The following NCK1 variants were observed in gnomAD, a reference collection of about 807,000 sequenced individuals.
NCK1 encodes the protein NCK adaptor protein 1.
Under a neutral mutation model 36.6 loss-of-function variants are expected in NCK1, and 19 were observed. The ratio of observed to expected loss-of-function variants is 0.52; its 90% CI spans 0.36 to 0.76. NCK1 has a LOEUF of 0.76. NCK1 is among the 30% of genes least tolerant of loss of function. The pLI, the probability that NCK1 is intolerant of heterozygous loss-of-function variation, is 0.00. For missense variants in NCK1, 358 were observed against 445.6 expected, an observed-to-expected ratio of 0.80 and a Z score of 1.77; for synonymous variants, 165 against 156.0, an observed-to-expected ratio of 1.06 and a Z score of -0.43.
chr3:136,923,679 G>C (rs1024825030), intron 1 of NCK1, among the ~76,000 whole-genome samples: 23 of 152,158 alleles, frequency 1.5e-4, no homozygotes, highest in Non-Finnish European at 8.8e-5. Context: ...AAATATGTTT[G>C]ATATTTAAGC....
intron 1 of NCK1, chr3:136,900,071 C>T (rs1939500744): frequency 3.9e-6 from 2 of 515,710 alleles, no homozygotes; most frequent in Non-Finnish European, 7.2e-6. Context: ...TCACAGGCTG[C>T]ACCATGGTCC....
At chr3:136,943,351 A>G (rs1026888168) in intron 2 of NCK1, among the ~76,000 whole-genome samples, 3 of 152,212 alleles carry the variant, frequency 2.0e-5, no homozygotes, top group Non-Finnish European at 4.4e-5. Flanking sequence ...AAGTTGATTT[A>G]GGGGTATAGA....
At chr3:136,888,730 C>T (rs571657648) in intron 1 of NCK1, among the ~76,000 whole-genome samples, 25 of 152,230 alleles carry the variant, frequency 1.6e-4, no homozygotes, top group African/African-American at 4.8e-4. Context: ...CTCCCCTCTC[C>T]GTGTCCTAGG....
chr3:136,875,792 A>G (rs1938749822), intron 1 of NCK1, among the ~76,000 whole-genome samples: 1 of 149,896 alleles, frequency 6.7e-6, no homozygotes, highest in Non-Finnish European at 1.5e-5. Context: ...TCAGCTCTGC[A>G]CCAAGTGGAC....
chr3:136,885,372 G>C (rs1328637000), intron 1 of NCK1, among the ~76,000 whole-genome samples: 3 of 152,184 alleles, frequency 2.0e-5, no homozygotes, highest in Non-Finnish European at 4.4e-5. Flanking sequence ...TTTTGAGACA[G>C]GGTCTTGCTC....
chr3:136,943,275 C>T (rs1193998808), intron 2 of NCK1, among the ~76,000 whole-genome samples: 1 of 152,100 alleles, frequency 6.6e-6, no homozygotes, highest in Non-Finnish European at 1.5e-5. Flanking sequence ...TTGGTGGTAT[C>T]ACCCCAAATG....
chr3:136,894,566 G>A (rs1317216005), intron 1 of NCK1, among the ~76,000 whole-genome samples: 2 of 152,130 alleles, frequency 1.3e-5, no homozygotes, highest in African/African-American at 4.8e-5. Flanking sequence ...ACCATTAAAC[G>A]AGTCCTTTAG....
chr3:136,906,967 G>A (rs1939703086), intron 1 of NCK1, among the ~76,000 whole-genome samples: 1 of 152,154 alleles, frequency 6.6e-6, no homozygotes, highest in Non-Finnish European at 1.5e-5. Context: ...GTACGTGCAG[G>A]TACTGGCTGT....
At chr3:136,902,198 T>TTTTTTTTTTTTTTG (rs1939561830) in intron 1 of NCK1, among the ~76,000 whole-genome samples, 52 of 131,408 alleles carry the variant, frequency 4.0e-4, no homozygotes, top group Non-Finnish European at 5.0e-4. Flanking sequence ...TTTTTTTTTT[T>TTTTTTTTTTTTTTG]TTTTGTTTTT....
chr3:136,908,083 A>G (rs543578817), intron 1 of NCK1, among the ~76,000 whole-genome samples: 7 of 152,326 alleles, frequency 4.6e-5, no homozygotes, highest in African/African-American at 1.7e-4. Context: ...TTACCATTCA[A>G]AAGTACTTCA....
intron 2 of NCK1, among the ~76,000 whole-genome samples, chr3:136,934,283 ATTTC>A (rs1415719268): frequency 6.6e-6 from 1 of 150,780 alleles, no homozygotes; most frequent in Non-Finnish European, 1.5e-5. Context: ...TGTTCATATT[ATTTC>A]TTTCTTTCTT....
intron 1 of NCK1, among the ~76,000 whole-genome samples, chr3:136,869,357 G>A (rs889223506): frequency 7.9e-5 from 12 of 152,202 alleles, no homozygotes; most frequent in African/African-American, 2.9e-4. Context: ...GACCAGCTTG[G>A]CCAACATGGT....
intron 1 of NCK1, among the ~76,000 whole-genome samples, chr3:136,866,384 C>T (rs1282910890): frequency 4.0e-5 from 6 of 151,110 alleles, no homozygotes; most frequent in Admixed American, 6.6e-5. Flanking sequence ...CTCGGCTCCC[C>T]GTAACCTCTG....
At chr3:136,905,479 C>T (rs1395903296) in intron 1 of NCK1, among the ~76,000 whole-genome samples, 4 of 151,876 alleles carry the variant, frequency 2.6e-5, no homozygotes, top group African/African-American at 9.7e-5. Flanking sequence ...TCTTGAACTC[C>T]TGGCCTCAGG....
intron 1 of NCK1, among the ~76,000 whole-genome samples, chr3:136,911,865 G>GC (rs1939833915): frequency 6.7e-6 from 1 of 148,326 alleles, no homozygotes; most frequent in Admixed American, 6.7e-5. Context: ...TTAGCTGACA[G>GC]TTTTTTTTTT....
intron 1 of NCK1, among the ~76,000 whole-genome samples, chr3:136,918,876 CT>C (rs1940034585): frequency 1.3e-5 from 2 of 152,310 alleles, no homozygotes; most frequent in South Asian, 4.1e-4. Context: ...AGTGTTTTCA[CT>C]AATGACCGTG....
chr3:136,933,139 G>A (rs1332551392), intron 2 of NCK1, among the ~76,000 whole-genome samples: 1 of 152,228 alleles, frequency 6.6e-6, no homozygotes, highest in African/African-American at 2.4e-5. Flanking sequence ...AAGAGCTGCT[G>A]TGGTAATGTA....
At chr3:136,906,771 G>T (rs190258348) in intron 1 of NCK1, among the ~76,000 whole-genome samples, 1 of 152,126 alleles carries the variant, frequency 6.6e-6, no homozygotes, top group Non-Finnish European at 1.5e-5. Context: ...GGTGGCACGT[G>T]TGGTTAGTTG....
At chr3:136,890,163 C>A (rs141647317) in intron 1 of NCK1, among the ~76,000 whole-genome samples, 1 of 152,184 alleles carries the variant, frequency 6.6e-6, no homozygotes, top group Non-Finnish European at 1.5e-5. Flanking sequence ...AGCTGAGGCC[C>A]GGCAAGAAAT....
Sources: allele counts gnomAD v4.1 joint callset (sites outside exome capture counted in the v4.1 genomes callset), GRCh38; gene constraint gnomAD v4.1.1; transcripts MANE v1.5; gene names NCBI Gene and HGNC (gene_info 2026-07-23, HGNC 2026-07-21).